The following PPHLN1 variants were observed in gnomAD, a reference collection of about 807,000 sequenced individuals.
The protein encoded by PPHLN1 is periphilin-1.
A neutral mutation model predicts 51.3 loss-of-function variants in PPHLN1; 29 were observed. That is an observed-to-expected ratio of 0.57 (90% CI 0.42 to 0.77). PPHLN1 has a LOEUF of 0.77. Among genes scored for constraint, PPHLN1 ranks in the 30% least tolerant of loss-of-function variants. The pLI is 0.00. For synonymous variants in PPHLN1, 147 were observed against 147.8 expected, an observed-to-expected ratio of 0.99 and a Z score of 0.04; for missense variants, 436 against 438.4, an observed-to-expected ratio of 0.99 and a Z score of 0.05.
intron 2 of PPHLN1, among the ~76,000 whole-genome samples, chr12:42,339,385 T>G (rs1322152329): frequency 6.6e-6 from 1 of 152,156 alleles, no homozygotes; most frequent in Non-Finnish European, 1.5e-5. Flanking sequence ...TTTTTTCTGG[T>G]GCACTTGGCC....
intron 6 of PPHLN1, among the ~76,000 whole-genome samples, chr12:42,385,915 T>C (rs2077154360): frequency 1.3e-5 from 2 of 152,232 alleles, no homozygotes; most frequent in South Asian, 4.1e-4. Context: ...ATTTGCCACA[T>C]GCAATGGAAA....
intron 9 of PPHLN1, among the ~76,000 whole-genome samples, chr12:42,435,437 TGAG>T (rs2139925031): frequency 6.6e-6 from 1 of 152,336 alleles, no homozygotes; most frequent in South Asian, 2.1e-4. Context: ...GCTGCAGCTT[TGAG>T]GAGGACTCAA....
chr12:42,363,342 T>A (rs200187437), intron 4 of PPHLN1, among the ~76,000 whole-genome samples: 2 of 143,626 alleles, frequency 1.4e-5, no homozygotes, highest in African/African-American at 5.1e-5. Context: ...AAAAAAAAAT[T>A]TTTTTTGTAG....
intron 5 of PPHLN1, among the ~76,000 whole-genome samples, chr12:42,382,918 T>TTTTAAA (rs1232179772): frequency 1.3e-5 from 2 of 152,170 alleles, no homozygotes; most frequent in African/African-American, 4.8e-5. Context: ...GAGTTTTAAG[T>TTTTAAA]ACAGTGGTGG....
intron 9 of PPHLN1, among the ~76,000 whole-genome samples, chr12:42,403,989 A>G (rs966005804): frequency 1.3e-5 from 2 of 151,180 alleles, no homozygotes; most frequent in Non-Finnish European, 2.9e-5. Context: ...ATGGCATGGT[A>G]TAATGAACAC....
At chr12:42,440,537 T>C (rs541129818) in intron 9 of PPHLN1, among the ~76,000 whole-genome samples, 12 of 152,370 alleles carry the variant, frequency 7.9e-5, no homozygotes, top group African/African-American at 2.4e-4. Flanking sequence ...CAGAATGTTG[T>C]CTAACTTGGT....
At chr12:42,441,210 G>A in intron 9 of PPHLN1, 105 bp from the exon 10 acceptor site, 3 of 1,397,152 alleles carry the variant, frequency 2.1e-6, no homozygotes, top group Admixed American at 2.5e-5. Context: ...TCTTTTTTGT[G>A]TCTCTCTTTT....
At chr12:42,358,164 A>G (rs1442247356) in intron 4 of PPHLN1, among the ~76,000 whole-genome samples, 1 of 152,240 alleles carries the variant, frequency 6.6e-6, no homozygotes, top group East Asian at 1.9e-4. Context: ...TATCTTTCCC[A>G]TTGTGATTTT....
intron 9 of PPHLN1, among the ~76,000 whole-genome samples, chr12:42,407,946 A>C (rs2079461029): frequency 6.6e-6 from 1 of 152,148 alleles, no homozygotes; most frequent in Non-Finnish European, 1.5e-5. Flanking sequence ...AAACCCATAG[A>C]TACTCAGAGC....
chr12:42,328,441 G>A (rs1183581115), intron 1 of PPHLN1, among the ~76,000 whole-genome samples: 3 of 152,160 alleles, frequency 2.0e-5, no homozygotes, highest in African/African-American at 7.2e-5. Context: ...AGGGTAAAAT[G>A]GAGGGTAAAA....
intron 9 of PPHLN1, among the ~76,000 whole-genome samples, chr12:42,407,991 A>G (rs1206665881): frequency 6.6e-6 from 1 of 152,174 alleles, no homozygotes; most frequent in Non-Finnish European, 1.5e-5. Flanking sequence ...ACCGGGGGCT[A>G]TTTGGAGAGT....
rs557543456 is a variant in PPHLN1 at position 42,348,449 on chromosome 12, C to A, written c.73-3436C>A. On this transcript the variant is annotated intron_variant, in intron 2 of 9. Coordinates refer to ENST00000358314, the MANE Select transcript of PPHLN1 (RefSeq NM_201439.2). The stretch of plus-strand genomic sequence containing the variant: ...AAACAACTTAAAGAATGATTGTTTT[C>A]ATTTACCTCAGTTGGTAAAGCAATT... 3.9e-5 allele frequency among the ~76,000 whole-genome samples: 6 copies of A among 152,080 alleles called. No homozygotes were observed. The East Asian group carries it at 1.2e-3, about 29-fold the overall frequency.
chr12:42,360,626 C>G (rs2074565678), intron 4 of PPHLN1, among the ~76,000 whole-genome samples: 1 of 151,782 alleles, frequency 6.6e-6, no homozygotes, highest in African/African-American at 2.4e-5. Flanking sequence ...CTCCAAGTAG[C>G]TGGGACTACA....
At chr12:42,438,018 T>C (rs1001719158) in intron 9 of PPHLN1, among the ~76,000 whole-genome samples, 9 of 152,348 alleles carry the variant, frequency 5.9e-5, no homozygotes, top group Admixed American at 5.9e-4. Context: ...GCTCATTTCT[T>C]TTGATGAAAA....
intron 2 of PPHLN1, among the ~76,000 whole-genome samples, chr12:42,340,986 T>TC (rs1484630798): frequency 4.5e-4 from 66 of 148,162 alleles, no homozygotes; most frequent in African/African-American, 1.5e-3. Flanking sequence ...TTTCTTTCTT[T>TC]TTTTTTTTTT....
chr12:42,413,413 A>T (rs2600913), intron 9 of PPHLN1, among the ~76,000 whole-genome samples: 76,123 of 151,878 alleles, frequency 0.5, 19,345 homozygotes, highest in Admixed American at 0.56. Context: ...TTGTTGAAGA[A>T]CAGTTAATTG....
At chr12:42,345,469 C>G (rs1310535386) in intron 2 of PPHLN1, among the ~76,000 whole-genome samples, 1 of 151,746 alleles carries the variant, frequency 6.6e-6, no homozygotes, top group East Asian at 1.9e-4. Flanking sequence ...TCTGACTGAT[C>G]ATACCATTAA....
chr12:42,407,588 G>C (rs1434148909), intron 9 of PPHLN1, among the ~76,000 whole-genome samples: 2 of 152,212 alleles, frequency 1.3e-5, no homozygotes, highest in Non-Finnish European at 2.9e-5. Flanking sequence ...GGAAGTAAAT[G>C]TAGTGATTCC....
intron 2 of PPHLN1, among the ~76,000 whole-genome samples, chr12:42,342,323 C>T (rs925601581): frequency 6.6e-6 from 1 of 152,192 alleles, no homozygotes; most frequent in African/African-American, 2.4e-5. Context: ...GGAGCAGCCA[C>T]AGCTCACTGC....
Sources: allele counts gnomAD v4.1 joint callset (sites outside exome capture counted in the v4.1 genomes callset), GRCh38; gene constraint gnomAD v4.1.1; transcripts MANE v1.5; gene names NCBI Gene and HGNC (gene_info 2026-07-23, HGNC 2026-07-21).